The following DIAPH2 variants were observed in gnomAD, a reference collection of about 807,000 sequenced individuals.
The protein encoded by DIAPH2 is protein diaphanous homolog 2.
In DIAPH2, 35 loss-of-function variants were observed where a neutral mutation model predicts 92.7. The observed-to-expected ratio is 0.38, with a 90% CI of 0.29 to 0.50. DIAPH2 has a LOEUF of 0.50. Ranked by LOEUF, DIAPH2 falls within the 20% of genes least tolerant of loss-of-function variation. DIAPH2 has a pLI of 0.94. For synonymous variants in DIAPH2, 301 were observed against 280.4 expected, an observed-to-expected ratio of 1.07 and a Z score of -0.73; for missense variants, 701 against 819.5, an observed-to-expected ratio of 0.86 and a Z score of 1.77.
In DIAPH2 at chrX:96,972,736, T is replaced by C. The variant is rs1337143246; in HGVS notation, c.2050+7529T>C. Among the ~76,000 whole-genome samples the C allele has an allele frequency of 2.7e-5, 3 of 110,398 alleles. 1 individual carries two copies. Among genetic ancestry groups the C allele is most frequent in the Non-Finnish European group, 5.7e-5 (3 of 52,778 alleles). On this transcript the variant is annotated intron_variant, in intron 17 of 26. Transcript: ENST00000324765. ...GATCCTAGAGGTAGTATAATTAGAGTTGGGACTTGAAATTTTAATAGAATT... is the reference window on the plus strand; with the variant it reads ...GATCCTAGAGGTAGTATAATTAGAGCTGGGACTTGAAATTTTAATAGAATT...
chrX:97,533,488 T>G (rs1182114649), intron 26 of DIAPH2: 1 of 111,022 alleles, frequency 9.0e-6, no homozygotes, highest in Non-Finnish European at 1.9e-5. Context: ...AATTTGTATT[T>G]ACCTCATGAT....
chrX:97,389,953 G>A (rs768752927), intron 25 of DIAPH2, among the ~76,000 whole-genome samples: 1 of 111,215 alleles, frequency 9.0e-6, no homozygotes, highest in African/African-American at 3.3e-5. Flanking sequence ...GACATCAGTA[G>A]TTTCATTGGT....
intron 4 of DIAPH2, among the ~76,000 whole-genome samples, chrX:96,773,849 AAAAC>A (rs1453320492): frequency 9.0e-6 from 1 of 111,133 alleles, no homozygotes; most frequent in Non-Finnish European, 1.9e-5. Context: ...TCTGTCTCAA[AAAAC>A]AAACAAACAA....
chrX:97,155,943 G>A (rs2067319476), intron 22 of DIAPH2, among the ~76,000 whole-genome samples: 1 of 112,240 alleles, frequency 8.9e-6, no homozygotes, highest in South Asian at 3.7e-4. Flanking sequence ...AGTGGATAGA[G>A]TTTAAACATG....
chrX:97,038,331 G>A (rs1448460821), intron 17 of DIAPH2, among the ~76,000 whole-genome samples: 6 of 111,311 alleles, frequency 5.4e-5, no homozygotes, highest in Non-Finnish European at 1.1e-4. Context: ...TCATACAAGT[G>A]CAGGTATCTT....
chrX:97,295,305 C>A (rs2068634281), intron 23 of DIAPH2, among the ~76,000 whole-genome samples: 1 of 111,882 alleles, frequency 8.9e-6, no homozygotes, highest in African/African-American at 3.2e-5. Context: ...CCACTTTGAA[C>A]TTTTGTCACT....
chrX:97,230,091 A>G (rs962096460), intron 22 of DIAPH2, among the ~76,000 whole-genome samples: 4 of 110,193 alleles, frequency 3.6e-5, no homozygotes, highest in Non-Finnish European at 7.6e-5. Context: ...CTTGCTCTAT[A>G]AAAGTATTTA....
At chrX:97,276,438 A>G (rs1450621203) in intron 23 of DIAPH2, among the ~76,000 whole-genome samples, 1 of 112,194 alleles carries the variant, frequency 8.9e-6, no homozygotes, top group African/African-American at 3.2e-5. Flanking sequence ...AGTTCCTTAC[A>G]TAAATAAGGA....
chrX:96,812,120 G>T (rs1327264174), intron 4 of DIAPH2, among the ~76,000 whole-genome samples: 3 of 111,582 alleles, frequency 2.7e-5, no homozygotes, highest in Admixed American at 9.5e-5. Context: ...TGTACCTCTG[G>T]TAGAATTCGG....
intron 4 of DIAPH2, among the ~76,000 whole-genome samples, chrX:96,799,775 T>C (rs1424247780): frequency 9.1e-6 from 1 of 110,236 alleles, no homozygotes; most frequent in Non-Finnish European, 1.9e-5. Context: ...GCCATTGCAC[T>C]CCAGCCTGGG....
chrX:96,842,691 C>T (rs1232333198), intron 4 of DIAPH2, among the ~76,000 whole-genome samples: 1 of 111,764 alleles, frequency 8.9e-6, no homozygotes, highest in Non-Finnish European at 1.9e-5. Context: ...TCTAATTACC[C>T]AACTCTTTCA....
chrX:97,196,950 C>G (rs551650803), intron 22 of DIAPH2, among the ~76,000 whole-genome samples: 4 of 109,866 alleles, frequency 3.6e-5, no homozygotes, highest in African/African-American at 1.3e-4. Context: ...CCACGCCTGA[C>G]TAATTTTGTA....
chrX:96,819,562 G>A (rs918320210), intron 4 of DIAPH2, among the ~76,000 whole-genome samples: 3 of 111,809 alleles, frequency 2.7e-5, no homozygotes, highest in Admixed American at 9.5e-5. Flanking sequence ...TCCATTACAA[G>A]TGTTTCTAGT....
At chrX:97,471,690 C>CAAAAAAA (rs34891772) in intron 26 of DIAPH2, among the ~76,000 whole-genome samples, 1 of 44,945 alleles carries the variant, frequency 2.2e-5, no homozygotes. Context: ...AAATCCGTCT[C>CAAAAAAA]AAAAAAAAAA....
chrX:97,576,553 G>A (rs1432525110), intron 26 of DIAPH2, among the ~76,000 whole-genome samples: 1 of 111,147 alleles, frequency 9.0e-6, no homozygotes, highest in Admixed American at 9.6e-5. Flanking sequence ...CTACAGAGAG[G>A]TCAAGGAAAA....
At chrX:97,079,516 T>G (rs989579035) in intron 19 of DIAPH2, among the ~76,000 whole-genome samples, 1 of 110,978 alleles carries the variant, frequency 9.0e-6, no homozygotes, top group African/African-American at 3.3e-5. Context: ...GGGGAGAAAA[T>G]ACTTTCAGGG....
At chrX:96,706,592 G>A (rs183099326) in intron 1 of DIAPH2, among the ~76,000 whole-genome samples, 106 of 111,992 alleles carry the variant, frequency 9.5e-4, no homozygotes, top group Middle Eastern at 4.6e-3. Context: ...TAGGTGGGAA[G>A]ATGAATTTGT....
intron 22 of DIAPH2, among the ~76,000 whole-genome samples, chrX:97,227,952 G>A (rs2067978470): frequency 9.0e-6 from 1 of 111,135 alleles, no homozygotes; most frequent in Non-Finnish European, 1.9e-5. Flanking sequence ...CCAGGTTGGA[G>A]TGCAGTGGCA....
chrX:97,541,747 C>A (rs771780622), intron 26 of DIAPH2, among the ~76,000 whole-genome samples: 21 of 111,819 alleles, frequency 1.9e-4, no homozygotes, highest in Non-Finnish European at 3.6e-4. Context: ...CTGTTCATAC[C>A]CCATGGCAGT....
Sources: allele counts gnomAD v4.1 joint callset (sites outside exome capture counted in the v4.1 genomes callset), GRCh38; gene constraint gnomAD v4.1.1; transcripts MANE v1.5; gene names NCBI Gene and HGNC (gene_info 2026-07-23, HGNC 2026-07-21).